The following LUZP2 variants were observed in gnomAD, a reference collection of about 807,000 sequenced individuals.
LUZP2 encodes the protein leucine zipper protein 2.
Under a neutral mutation model 51.6 loss-of-function variants are expected in LUZP2, and 52 were observed. The ratio of observed to expected loss-of-function variants is 1.01; its 90% confidence interval spans 0.81 to 1.27. The LOEUF (loss-of-function observed/expected upper bound fraction) is 1.27, where lower values mean the gene tolerates loss of function less well. Among genes scored for constraint, LUZP2 ranks in the 50% most tolerant of loss-of-function variants. The pLI is 0.00. For missense variants in LUZP2, 436 were observed against 395.4 expected (o/e 1.10, Z -0.87); for synonymous variants, 154 against 137.3 (o/e 1.12, Z -0.85).
chr11:24,950,772 A>G (rs1030764314), intron 7 of LUZP2, among the ~76,000 whole-genome samples: 3 of 151,618 alleles, frequency 2.0e-5, no homozygotes, highest in Non-Finnish European at 3.0e-5. Flanking sequence ...GCTTGAGAAC[A>G]ACCCTTTGAC....
chr11:24,866,640 C>CA (rs1241605431), intron 5 of LUZP2, among the ~76,000 whole-genome samples: 20 of 151,668 alleles, frequency 1.3e-4, no homozygotes, highest in South Asian at 4.2e-4. Context: ...GAACAGAACA[C>CA]AAAAAAAACT....
chr11:24,918,197 C>G (rs905233921), intron 7 of LUZP2, among the ~76,000 whole-genome samples: 1 of 152,152 alleles, frequency 6.6e-6, no homozygotes, highest in African/African-American at 2.4e-5. Context: ...CATCCTGAGA[C>G]TTTGCTGAAG....
intron 1 of LUZP2, among the ~76,000 whole-genome samples, chr11:24,713,056 A>G (rs1857898173): frequency 6.6e-6 from 1 of 152,172 alleles, no homozygotes; most frequent in African/African-American, 2.4e-5. Context: ...TCTGCCACAC[A>G]TCTACAATGT....
chr11:24,703,639 A>G (rs977030203), intron 1 of LUZP2, among the ~76,000 whole-genome samples: 2 of 151,604 alleles, frequency 1.3e-5, no homozygotes, highest in African/African-American at 4.8e-5. Flanking sequence ...CCTGGCCAAC[A>G]TGGTGACACT....
At chr11:24,891,867 C>T (rs1565064478) in intron 5 of LUZP2, 1 of 985,370 alleles carries the variant, frequency 1.0e-6, no homozygotes, top group Non-Finnish European at 1.2e-6. Flanking sequence ...TTAGCCAACC[C>T]TCAATTTCCA....
intron 5 of LUZP2, among the ~76,000 whole-genome samples, chr11:24,852,044 T>C (rs1372723051): frequency 1.3e-5 from 2 of 152,202 alleles, no homozygotes; most frequent in Non-Finnish European, 2.9e-5. Flanking sequence ...TCTATTTTGT[T>C]AATCTTTTCA....
intron 8 of LUZP2, among the ~76,000 whole-genome samples, chr11:24,978,304 A>G (rs944738655): frequency 6.6e-6 from 1 of 151,828 alleles, no homozygotes; most frequent in Non-Finnish European, 1.5e-5. Context: ...TATATAACTC[A>G]TTATAACATT....
chr11:24,547,874 G>A (rs1226438818), intron 1 of LUZP2, among the ~76,000 whole-genome samples: 1 of 151,556 alleles, frequency 6.6e-6, no homozygotes, highest in Admixed American at 6.6e-5. Context: ...GCCAGAAAAA[G>A]AAACTACCTC....
At chr11:24,963,492 G>T (rs1270707775) in intron 7 of LUZP2, among the ~76,000 whole-genome samples, 1 of 152,118 alleles carries the variant, frequency 6.6e-6, no homozygotes, top group Non-Finnish European at 1.5e-5. Context: ...CCCCAGCCCC[G>T]CTGCTGCCTT....
chr11:25,020,720 T>C (rs1319517840), intron 9 of LUZP2, among the ~76,000 whole-genome samples: 1 of 152,096 alleles, frequency 6.6e-6, no homozygotes, highest in African/African-American at 2.4e-5. Context: ...TCAGATTTTT[T>C]TGATGCCTTT....
chr11:24,582,555 T>C (rs1178170811), intron 1 of LUZP2, among the ~76,000 whole-genome samples: 1 of 152,118 alleles, frequency 6.6e-6, no homozygotes. Context: ...AAATAACTTT[T>C]AAGAATATAT....
At chr11:24,999,727 T>G (rs1239965777) in intron 9 of LUZP2, among the ~76,000 whole-genome samples, 4 of 152,158 alleles carry the variant, frequency 2.6e-5, no homozygotes, top group Non-Finnish European at 5.9e-5. Context: ...TTCTCACAAA[T>G]AAATTGTTTT....
At chr11:25,076,516 CAG>C (rs1008972247) in intron 10 of LUZP2, among the ~76,000 whole-genome samples, 6 of 146,458 alleles carry the variant, frequency 4.1e-5, no homozygotes, top group Non-Finnish European at 8.9e-5. Context: ...GGAAAAGTAT[CAG>C]TAAGTAAAAA....
At chr11:24,967,308 A>G (rs967893164) in intron 7 of LUZP2, among the ~76,000 whole-genome samples, 1 of 151,930 alleles carries the variant, frequency 6.6e-6, no homozygotes, top group Non-Finnish European at 1.5e-5. Context: ...AGAATATTAA[A>G]TCTCGTGTTC....
At chr11:25,016,458 C>T (rs926860322) in intron 9 of LUZP2, among the ~76,000 whole-genome samples, 9 of 151,814 alleles carry the variant, frequency 5.9e-5, no homozygotes, top group South Asian at 2.1e-4. Context: ...TCCAGTTTCA[C>T]CCAAGTTGCT....
intron 1 of LUZP2, among the ~76,000 whole-genome samples, chr11:24,725,260 C>T (rs894457964): frequency 7.9e-5 from 12 of 151,880 alleles, no homozygotes; most frequent in Admixed American, 1.3e-4. Flanking sequence ...GCAAATGAAT[C>T]CGAATACAGA....
chr11:24,784,038 T>C (rs1849169940), intron 5 of LUZP2, among the ~76,000 whole-genome samples: 1 of 151,908 alleles, frequency 6.6e-6, no homozygotes, highest in Non-Finnish European at 1.5e-5. Context: ...CTTGCGTGGC[T>C]TCATTAAATA....
In LUZP2 at chr11:24,729,161, T is replaced by A; in HGVS notation, c.63-8T>A. The A allele has an allele frequency of 6.9e-7, 1 of 1,457,146 alleles. No individual in the cohort carries two copies. Among genetic ancestry groups the A allele is most frequent in the East Asian group, 2.5e-5 (1 of 40,712 alleles). 90.3% of individuals were successfully genotyped at this position (1,457,146 alleles called of 1,614,324 possible). A position where few individuals can be genotyped will look rare whatever the true frequency, so the allele number is the denominator to read the frequency against. Reference sequence around the variant, plus strand: ...GGGGGGCTCTCATGCCTGTTCTTTCTGTGTTAGACAGGACTATGAAGAGCT... The same window carrying A: ...GGGGGGCTCTCATGCCTGTTCTTTCAGTGTTAGACAGGACTATGAAGAGCT... On this transcript the variant is annotated splice_region_variant and splice_polypyrimidine_tract_variant and intron_variant, in intron 1 of 11. Transcript: ENST00000336930.
intron 1 of LUZP2, among the ~76,000 whole-genome samples, chr11:24,626,315 C>T (rs1854681104): frequency 6.6e-6 from 1 of 152,108 alleles, no homozygotes; most frequent in Admixed American, 6.6e-5. Context: ...ACCTGCAAAA[C>T]AAAAATGCAG....
Sources: allele counts gnomAD v4.1 joint callset (sites outside exome capture counted in the v4.1 genomes callset), GRCh38; gene constraint gnomAD v4.1.1; transcripts MANE v1.5; gene names NCBI Gene and HGNC (gene_info 2026-07-23, HGNC 2026-07-21).